DDX6: variants seen among roughly 807,000 people sequenced by gnomAD.
DDX6 encodes DEAD-box helicase 6, also known as probable ATP-dependent RNA helicase DDX6.
Under a neutral mutation model 60.6 loss-of-function variants are expected in DDX6, and 7 were observed. The ratio of observed to expected loss-of-function variants is 0.12; its 90% CI spans 0.07 to 0.22. The LOEUF (loss-of-function observed/expected upper bound fraction) is 0.22. Ranked by LOEUF, DDX6 falls within the 10% of genes least tolerant of loss-of-function variation. The pLI is 1.00. For synonymous variants in DDX6, 207 were observed against 201.0 expected (o/e 1.03, Z -0.25); for missense variants, 270 against 589.9 (o/e 0.46, Z 5.62).
chr11:118,786,243 C>A lies in DDX6; in HGVS notation c.9G>T (p.Thr3=). 1 of 1,598,014 alleles carries A rather than the reference C, an allele frequency of 6.3e-7. No homozygotes were observed. The highest frequency in any genetic ancestry group is 8.5e-7 in the Non-Finnish European group (1 of 1,172,716). MS[T]ARTENPVIMG... ...TTATAACAGGGTTCTCTGTTCTGGC[C>A]GTGCTCATGCTGTTTTAATTGCAAA... Residue 3 remains threonine, a synonymous_variant, in exon 2 of 14, where the codon ACG becomes ACT. Transcript: ENST00000534980.
At chr11:118,767,945 A>C in intron 5 of DDX6, 1 of 257,588 alleles carries the variant, frequency 3.9e-6, no homozygotes, top group Non-Finnish European at 7.5e-6. Flanking sequence ...CAGCTTTCCT[A>C]CCTATAGGGC....
rs533501818 is a variant in DDX6, at chr11:118,782,573, G to C, written c.201-1389C>G. Among the ~76,000 whole-genome samples, 8 of 151,734 alleles carry C rather than the reference G, an allele frequency of 5.3e-5. No homozygotes were observed. The East Asian group carries it at 1.5e-3, about 29-fold the overall frequency. The stretch of plus-strand genomic sequence containing the variant: ...GACCACTTATTTTACTTAAAACTAG[G>C]TCCTACATAATGCATACTCTAACAT... On this transcript the variant is annotated intron_variant, in intron 2 of 13. Transcript: ENST00000534980.
At chr11:118,760,079 TA>T in intron 7 of DDX6, 35 bp from the exon 8 acceptor site, 1 of 1,597,136 alleles carries the variant, frequency 6.3e-7, no homozygotes, top group Non-Finnish European at 8.5e-7. Flanking sequence ...TTAAAAACAA[TA>T]AAATAATGTC....
chr11:118,782,044 C>G (rs1342956174), intron 2 of DDX6, among the ~76,000 whole-genome samples: 4 of 152,036 alleles, frequency 2.6e-5, no homozygotes, highest in African/African-American at 4.8e-5. Context: ...GAAACCCACT[C>G]TCTACCAAAA....
intron 13 of DDX6, among the ~76,000 whole-genome samples, chr11:118,753,094 C>A (rs1158637446): frequency 6.6e-6 from 1 of 152,106 alleles, no homozygotes; most frequent in Non-Finnish European, 1.5e-5. Flanking sequence ...AATGGCATGA[C>A]CTCGGCTCAC....
rs540672167 is a variant in DDX6 at position 118,786,592 on chromosome 11, T to G, written c.-267-74A>C. ...TGTTTCCCTTTTAAAAGAACCCCTTTAAAAGAATTCTCATCTTTTATATTA... is the reference window on the plus strand; with the variant it reads ...TGTTTCCCTTTTAAAAGAACCCCTTGAAAAGAATTCTCATCTTTTATATTA... On this transcript the variant is annotated intron_variant, in intron 1 of 13. Coordinates refer to ENST00000534980, the MANE Select transcript of DDX6 (RefSeq NM_004397.6). 256 of 211,708 alleles carry G rather than the reference T, an allele frequency of 1.2e-3. 2 individuals carry two copies. The highest frequency in any genetic ancestry group is 2.0e-3 in the Non-Finnish European group (213 of 105,188). The allele number at this position is 211,708 out of a possible 1,614,324, so 13.1% of individuals were successfully genotyped here.
chr11:118,781,829 G>A (rs1555164771), intron 2 of DDX6, among the ~76,000 whole-genome samples: 3 of 152,070 alleles, frequency 2.0e-5, no homozygotes, highest in African/African-American at 7.2e-5. Flanking sequence ...TCGGGAGGCT[G>A]AGGCAGGGGA....
chr11:118,760,848 A>AG (rs1403061177), intron 7 of DDX6, among the ~76,000 whole-genome samples: 2 of 138,182 alleles, frequency 1.4e-5, no homozygotes, highest in Non-Finnish European at 3.1e-5. Flanking sequence ...AAAAAAAGTA[A>AG]GGGTTCTGAG....
At chr11:118,757,928 C>G (rs751792866) in intron 9 of DDX6, among the ~76,000 whole-genome samples, 1 of 152,106 alleles carries the variant, frequency 6.6e-6, no homozygotes, top group Non-Finnish European at 1.5e-5. Flanking sequence ...ACCAATGCCA[C>G]CAGCATTGGG....
rs201051463 is a variant in DDX6, at chr11:118,786,174, T to C, written c.78A>G (p.Lys26=). The change falls in exon 2 of 14, where the codon AAA becomes AAG. Residue 26 remains lysine, a synonymous_variant. Transcript: ENST00000534980. ...SQNGQLRGPV[K]PTGGPGGGGT... ...CCCCTCCTCCAGGGCCACCAGTGGG[T>C]TTCACAGGGCCTCTCAGCTGACCAT... 170 of 1,613,970 alleles carry C rather than the reference T, an allele frequency of 1.1e-4. 1 individual carries two copies. The Admixed American group carries it at 2.7e-3, about 25-fold the overall frequency.
chr11:118,759,783 T>C (rs554412678), intron 8 of DDX6, 139 bp downstream of exon 8: 9 of 910,108 alleles, frequency 9.9e-6, no homozygotes, highest in Non-Finnish European at 1.4e-5. Context: ...AAATCTTTAA[T>C]TGATCAACTG....
intron 1 of DDX6, chr11:118,788,371 C>T (rs1020134163): frequency 1.3e-5 from 2 of 152,212 alleles, no homozygotes; most frequent in African/African-American, 2.4e-5. Flanking sequence ...AAAATTATCC[C>T]GTAAATGGAA....
chr11:118,756,125 C>G, intron 11 of DDX6, 135 bp downstream of exon 11: 2 of 614,618 alleles, frequency 3.3e-6, no homozygotes, highest in East Asian at 3.2e-5. Context: ...AGTTCATTTT[C>G]AACTTCAGAA....
chr11:118,749,708 CTT>C lies in DDX6; in HGVS notation c.*2395_*2396del, dbSNP rs1249276674. ...CTTTTCTTCTACATGAATGATCCCT[CTT>C]ATCTCGCAAGAGGTGGGGGAGAAAG... On this transcript the variant is annotated 3_prime_UTR_variant, in exon 14 of 14. Transcript: ENST00000534980. 6.6e-6 allele frequency: 1 copy of C among 152,628 alleles called. No homozygotes were observed. The highest frequency in any genetic ancestry group is 1.5e-5 in the Non-Finnish European group (1 of 68,046). 9.5% of individuals were successfully genotyped at this position (152,628 alleles called of 1,614,324 possible). A position where few individuals can be genotyped will look rare whatever the true frequency, so the allele number is the denominator to read the frequency against.
chr11:118,760,682 G>A (rs1434407087), intron 7 of DDX6, among the ~76,000 whole-genome samples: 6 of 151,952 alleles, frequency 3.9e-5, no homozygotes, highest in African/African-American at 1.5e-4. Context: ...TTAGCTGGAC[G>A]TGGTGGTACG....
intron 3 of DDX6, among the ~76,000 whole-genome samples, chr11:118,780,488 TG>T (rs1385575562): frequency 3.3e-5 from 5 of 152,110 alleles, no homozygotes; most frequent in African/African-American, 1.2e-4. Context: ...GACTAATTTT[TG>T]TATTTTTAGT....
chr11:118,787,164 C>CA (rs1462344552), intron 1 of DDX6: 1 of 152,104 alleles, frequency 6.6e-6, no homozygotes, highest in Admixed American at 6.6e-5. Flanking sequence ...AGCGAAACCC[C>CA]ATCTCTACTA....
intron 4 of DDX6, among the ~76,000 whole-genome samples, chr11:118,771,985 T>C (rs566913106): frequency 2.6e-5 from 4 of 152,180 alleles, no homozygotes; most frequent in Admixed American, 1.3e-4. Flanking sequence ...TGAATTTTCA[T>C]AGCAGCATTA....
At chr11:118,779,128 C>A (rs1385665911) in intron 4 of DDX6, among the ~76,000 whole-genome samples, 3 of 139,348 alleles carry the variant, frequency 2.2e-5, no homozygotes, top group African/African-American at 8.3e-5. Flanking sequence ...TGAACTCCAG[C>A]CTGGGTGACA....
Sources: allele counts gnomAD v4.1 joint callset (sites outside exome capture counted in the v4.1 genomes callset), GRCh38; gene constraint gnomAD v4.1.1; transcripts MANE v1.5; gene names NCBI Gene and HGNC (gene_info 2026-07-23, HGNC 2026-07-21).